SCAF11: variants seen among roughly 807,000 people sequenced by gnomAD.
SCAF11 encodes the protein protein SCAF11.
Under a neutral mutation model 140.5 loss-of-function variants are expected in SCAF11, and 47 were observed. That is an observed-to-expected ratio of 0.33 (90% CI 0.26 to 0.43). The LOEUF is 0.43. Ranked by LOEUF, SCAF11 falls within the 20% of genes least tolerant of loss-of-function variation. SCAF11 has a pLI of 1.00. For synonymous variants in SCAF11, 557 were observed against 579.4 expected, an observed-to-expected ratio of 0.96 and a Z score of 0.55; for missense variants, 1,645 against 1,705.1, an observed-to-expected ratio of 0.96 and a Z score of 0.62.
At position 45,961,760 on chromosome 12, in the gene SCAF11, A is replaced by G. The variant is rs1221312929; in HGVS notation, c.159T>C (p.Val53=). 2 of 1,613,158 alleles carry G rather than the reference A, an allele frequency of 1.2e-6. No homozygotes were observed. The highest frequency in any genetic ancestry group is 2.7e-5 in the African/African-American group (2 of 74,874). ...CATGATTACAGCTTTCTGGAAAACCAACTTCCTTTTCTAATAGACAATTAA... is the reference window on the plus strand; with the variant it reads ...CATGATTACAGCTTTCTGGAAAACCGACTTCCTTTTCTAATAGACAATTAA... ...ICLNCLLEKE[V]GFPESCNHVF... Residue 53 remains valine (V), a synonymous_variant, in exon 3 of 15, where the codon GTT becomes GTC. Coordinates refer to ENST00000369367, the MANE Select transcript of SCAF11 (RefSeq NM_004719.3).
rs571509230 is a variant in SCAF11 at position 45,970,201 on chromosome 12, A to AT, written c.-21-6014dup. 2.7e-3 allele frequency among the ~76,000 whole-genome samples: 417 copies of AT among 151,720 alleles called. 1 individual carries two copies. Among genetic ancestry groups the AT allele is most frequent in the Non-Finnish European group, 4.3e-3 (293 of 67,868 alleles). ...GAGCCACCGCGCCCGGCCTCAACTAATTTTTTTATTTGTAGAGATGGAGTC... is the reference window on the plus strand; with the variant it reads ...GAGCCACCGCGCCCGGCCTCAACTAATTTTTTTTATTTGTAGAGATGGAGTC... On this transcript the variant is annotated intron_variant, in intron 1 of 14. Transcript: ENST00000369367.
intron 1 of SCAF11, among the ~76,000 whole-genome samples, chr12:45,972,899 T>TAG (rs67656438): frequency 0.61 from 38,959 of 64,316 alleles, 10,022 homozygotes; most frequent in East Asian, 0.69. Context: ...TATAGATATA[T>TAG]ATATATATAG....
At position 45,928,462 on chromosome 12, in the gene SCAF11, A is replaced by T. The variant is rs28364643; in HGVS notation, c.1239T>A (p.Ser413=). The T allele has an allele frequency of 8.8e-4, 1,413 of 1,612,970 alleles. 13 individuals carry two copies. The East Asian group carries it at 0.02, about 23-fold the overall frequency. The change falls in exon 11 of 15, where the codon TCT becomes TCA. Residue 413 remains serine (S), a synonymous_variant. Coordinates refer to ENST00000369367, the MANE Select transcript of SCAF11 (RefSeq NM_004719.3). The part of the protein sequence containing the change: ...NDSVDEETAE[S]DTSPVLEKEH... Reference sequence around the variant, plus strand: ...CTTTTTCTAACACAGGTGATGTGTCAGATTCTGCTGTTTCTTCATCTACTG... The same window carrying T: ...CTTTTTCTAACACAGGTGATGTGTCTGATTCTGCTGTTTCTTCATCTACTG...
intron 1 of SCAF11, among the ~76,000 whole-genome samples, chr12:45,989,718 T>TG (rs1157968532): frequency 6.6e-6 from 1 of 152,126 alleles, no homozygotes; most frequent in Non-Finnish European, 1.5e-5. Flanking sequence ...TTTAAAACAC[T>TG]GGGGGTGGAT....
upstream of SCAF11, among the ~76,000 whole-genome samples, chr12:45,991,289 G>C (rs944423439): frequency 1.3e-4 from 20 of 152,228 alleles, no homozygotes; most frequent in Non-Finnish European, 2.9e-5. Context: ...TGGGCCAGGT[G>C]CGCGGTGGCT....
rs71437739 is a variant in SCAF11 at position 45,983,742 on chromosome 12, A to AC, written c.-22+6610_-22+6611insG. ...AGGTCTGACTGACTCCTAAACCTAA[A>AC]ACACACACACACACACACACACACA... On this transcript the variant is annotated intron_variant, in intron 1 of 14. Coordinates refer to ENST00000369367, the MANE Select transcript of SCAF11 (RefSeq NM_004719.3). Among the ~76,000 whole-genome samples, 5 of 133,906 alleles carry AC rather than the reference A, an allele frequency of 3.7e-5. No homozygotes were observed. The East Asian group carries it at 1.1e-3, about 31-fold the overall frequency. 87.8% of individuals were successfully genotyped at this position (133,906 alleles called of 152,430 possible). A position where few individuals can be genotyped will look rare whatever the true frequency, so the allele number is the denominator to read the frequency against.
rs2136488771 is a variant in SCAF11 at position 45,921,858 on chromosome 12, G to C, written c.*190C>G. ...GAATTTTGTGGGGGAGGGTGGAGGG[G>C]AAGGAAGGATACAGAAGTTGCAGTG... On this transcript the variant is annotated 3_prime_UTR_variant, in exon 15 of 15. Coordinates refer to ENST00000369367, the MANE Select transcript of SCAF11 (RefSeq NM_004719.3). The C allele has an allele frequency of 1.7e-6, 1 of 589,824 alleles. No homozygotes were observed. Among genetic ancestry groups the C allele is most frequent in the Non-Finnish European group, 2.8e-6 (1 of 351,076 alleles). 36.5% of individuals were successfully genotyped at this position (589,824 alleles called of 1,614,324 possible).
rs1159112578 is a variant in SCAF11 at position 45,922,951 on chromosome 12, G to A, written c.4110C>T (p.Ser1370=). The change falls in exon 13 of 15, where the codon AGC becomes AGT. Residue 1370 remains serine, a synonymous_variant. Coordinates refer to ENST00000369367, the MANE Select transcript of SCAF11 (RefSeq NM_004719.3). Reference sequence around the variant, plus strand: ...TTGAACTTGCCTTGTCTGTCTTCGAGCTATCTGCGCTGGCTTCCACTGCAA... The same window carrying A: ...TTGAACTTGCCTTGTCTGTCTTCGAACTATCTGCGCTGGCTTCCACTGCAA... ...VSVAVEASAD[S]SKTDKKLQIQ... is the part of the protein sequence containing the mutation. The A allele has an allele frequency of 1.2e-6, 2 of 1,614,066 alleles. No homozygotes were observed. Among genetic ancestry groups the A allele is most frequent in the South Asian group, 2.2e-5 (2 of 91,086 alleles).
intron 1 of SCAF11, among the ~76,000 whole-genome samples, chr12:45,973,788 C>T (rs1946170028): frequency 6.6e-6 from 1 of 151,880 alleles, no homozygotes; most frequent in Admixed American, 6.6e-5. Context: ...AAAAGGTATT[C>T]AAAGTGGAAG....
At position 45,926,081 on chromosome 12, in the gene SCAF11, CAT is replaced by C. The variant is rs541128787; in HGVS notation, c.3559+59_3559+60del. The C allele has an allele frequency of 1.2e-4, 181 of 1,472,338 alleles. No homozygotes were observed. In the African/African-American group the frequency reaches 2.1e-3, roughly 17 times the overall value. 91.2% of individuals were successfully genotyped at this position (1,472,338 alleles called of 1,614,324 possible). On this transcript the variant is annotated intron_variant, in intron 11 of 14. Transcript: ENST00000369367. ...GGATCATTTCAACTCATACAAATAA[CAT>C]ATTAAATTTATAATTCTTCAAATAA... is the stretch of plus-strand genomic sequence containing the variant.
chr12:45,972,057 T>C (rs1245529571), intron 1 of SCAF11, among the ~76,000 whole-genome samples: 1 of 152,126 alleles, frequency 6.6e-6, no homozygotes, highest in Non-Finnish European at 1.5e-5. Context: ...TCACCCAAGC[T>C]GAACGTATGT....
intron 1 of SCAF11, among the ~76,000 whole-genome samples, chr12:45,965,251 C>T (rs562080611): frequency 6.6e-6 from 1 of 152,176 alleles, no homozygotes; most frequent in Non-Finnish European, 1.5e-5. Flanking sequence ...AGATTATAAG[C>T]AGAGATATTT....
chr12:45,939,467 G>A (rs1945244896), intron 6 of SCAF11, among the ~76,000 whole-genome samples: 1 of 152,086 alleles, frequency 6.6e-6, no homozygotes, highest in African/African-American at 2.4e-5. Context: ...AGGCCGAGAC[G>A]GGCAGATCAT....
At chr12:45,987,822 G>C (rs1310882455) in intron 1 of SCAF11, among the ~76,000 whole-genome samples, 1 of 152,198 alleles carries the variant, frequency 6.6e-6, no homozygotes, top group Non-Finnish European at 1.5e-5. Flanking sequence ...TCTGGCTATG[G>C]AGTGTTAAAG....
Position 45,922,524 on chromosome 12 carries a change from TA to T in SCAF11, c.4183del (p.Tyr1395ThrfsTer19). ...QEVKLAIKPFYQNKDITKEEY... is the reference protein window; with the variant it reads ...QEVKLAIKPFXQNKDITKEEY... Reference sequence around the variant, plus strand: ...TTCCTTGGTGATATCTTTATTTTGGTAAAATGGCTTGATGGCCAATTTTACC... The same window carrying T: ...TTCCTTGGTGATATCTTTATTTTGGTAAATGGCTTGATGGCCAATTTTACC... On this transcript the variant is annotated frameshift_variant, in exon 14 of 15. Coordinates refer to ENST00000369367, the MANE Select transcript of SCAF11 (RefSeq NM_004719.3). LOFTEE classifies it high-confidence loss of function. 1 of 1,599,830 alleles carries T rather than the reference TA, an allele frequency of 6.3e-7. No homozygotes were observed. The highest frequency in any genetic ancestry group is 8.5e-7 in the Non-Finnish European group (1 of 1,177,294).
At position 45,924,967 on chromosome 12, in the gene SCAF11, G is replaced by A. The variant is rs745490093; in HGVS notation, c.3667C>T (p.His1223Tyr). The A allele has an allele frequency of 7.4e-6, 12 of 1,614,028 alleles. No homozygotes were observed. Among genetic ancestry groups the A allele is most frequent in the Admixed American group, 6.7e-5 (4 of 60,000 alleles). The change falls in exon 12 of 15, where the codon CAC becomes TAC. Residue 1223 changes from histidine (H) to tyrosine (Y), a missense_variant. Physicochemically the swap from His to Tyr is moderately conservative, Grantham distance 83. Around this residue, in one of 2 missense-constraint regions of SCAF11, gnomAD observed 1,582 missense variants for 1,609.2 expected, o/e 0.98. Coordinates refer to ENST00000369367, the MANE Select transcript of SCAF11 (RefSeq NM_004719.3). Reference sequence around the variant, plus strand: ...TATGGGAAGATATTCATAGGCTGGTGTTGTGCATTCATTTGTTGCTGCATT... The same window carrying A: ...TATGGGAAGATATTCATAGGCTGGTATTGTGCATTCATTTGTTGCTGCATT... Reference protein sequence around the residue: ...NVMQQQMNAQHQPMNIFPYPV... With the variant: ...NVMQQQMNAQYQPMNIFPYPV...
rs199849899 is a variant in SCAF11, at chr12:45,988,249, T to A, written c.-22+2104A>T. On this transcript the variant is annotated intron_variant, in intron 1 of 14. Transcript: ENST00000369367. The stretch of plus-strand genomic sequence containing the variant: ...TGCTAAAGGGAAGTTACAATGAAAA[T>A]TATTCTACAGTTGACTTTCTTTTTA... Among the ~76,000 whole-genome samples the A allele has an allele frequency of 7.9e-5, 12 of 152,292 alleles. No individual in the cohort carries two copies. The East Asian group carries it at 1.9e-3, about 24-fold the overall frequency.
At chr12:45,932,263 T>C (rs1359340458) in intron 9 of SCAF11, among the ~76,000 whole-genome samples, 3 of 152,148 alleles carry the variant, frequency 2.0e-5, no homozygotes, top group Non-Finnish European at 4.4e-5. Flanking sequence ...GACCCCCTCC[T>C]TCAAATTTTC....
intron 1 of SCAF11, among the ~76,000 whole-genome samples, chr12:45,983,353 CAT>C (rs1452271732): frequency 6.6e-6 from 1 of 152,148 alleles, no homozygotes; most frequent in Admixed American, 6.5e-5. Context: ...CTAATAGACA[CAT>C]AGATATCAAC....
Sources: gnomAD v4.1 joint callset for allele counts (sites outside exome capture counted in the v4.1 genomes callset) on GRCh38, gnomAD v4.1.1 for gene constraint, gnomAD v4.1.1 regional missense constraint, MANE v1.5 for transcripts, NCBI Gene and HGNC (gene_info 2026-07-23, HGNC 2026-07-21) for gene names.